Variants in RPS6KC1 observed in about 807,000 individuals in gnomAD.
The protein encoded by RPS6KC1 is inactive ribosomal protein S6 kinase delta-1.
A neutral mutation model predicts 103.8 loss-of-function variants in RPS6KC1; 54 were observed. That is an observed-to-expected ratio of 0.52 (90% CI 0.42 to 0.65). RPS6KC1 has a LOEUF of 0.65. RPS6KC1 is among the 30% of genes least tolerant of loss of function. The pLI is 0.00. For missense variants in RPS6KC1, 1,151 were observed against 1,253.8 expected, an observed-to-expected ratio of 0.92 and a Z score of 1.24; for synonymous variants, 439 against 438.7, an observed-to-expected ratio of 1.00 and a Z score of -0.01.
chr1:213,354,841 C>T, the RPS6KC1 span, among the ~76,000 whole-genome samples: 4 of 152,296 alleles, frequency 2.6e-5, no homozygotes, highest in South Asian at 2.1e-4. Flanking sequence ...CTCCACTTCT[C>T]GATATTGCCA....
intron 4 of RPS6KC1, among the ~76,000 whole-genome samples, chr1:213,105,503 T>G (rs973393943): frequency 6.6e-6 from 1 of 150,676 alleles, no homozygotes; most frequent in African/African-American, 2.5e-5. Flanking sequence ...CTACACAGAT[T>G]ATTTATTTAT....
At chr1:213,430,311 GA>G in the RPS6KC1 span, among the ~76,000 whole-genome samples, 1 of 152,332 alleles carries the variant, frequency 6.6e-6, no homozygotes, top group East Asian at 1.9e-4. Context: ...GGACAGAGCT[GA>G]GAAAATGAGA....
At chr1:213,772,418 T>C in the RPS6KC1 span, among the ~76,000 whole-genome samples, 133,994 of 152,296 alleles carry the variant, frequency 0.88, 59,080 homozygotes, top group East Asian at 0.98. Context: ...TCCTGACCTC[T>C]AGAAAGATAA....
At chr1:213,624,530 T>G in the RPS6KC1 span, among the ~76,000 whole-genome samples, 2 of 152,146 alleles carry the variant, frequency 1.3e-5, no homozygotes, top group Non-Finnish European at 2.9e-5. Flanking sequence ...AAAGCAGTCA[T>G]GGAGAGCTTG....
the RPS6KC1 span, among the ~76,000 whole-genome samples, chr1:213,528,235 T>C: frequency 1.3e-5 from 2 of 152,114 alleles, no homozygotes; most frequent in Non-Finnish European, 2.9e-5. Flanking sequence ...TTTACAATCA[T>C]GGCAGAAAAA....
At chr1:213,172,837 A>G (rs576041833) in intron 7 of RPS6KC1, among the ~76,000 whole-genome samples, 40 of 152,328 alleles carry the variant, frequency 2.6e-4, no homozygotes, top group African/African-American at 9.4e-4. Context: ...GATGAATACA[A>G]CCATTCTTTG....
chr1:213,308,571 A>T, the RPS6KC1 span, among the ~76,000 whole-genome samples: 1 of 152,232 alleles, frequency 6.6e-6, no homozygotes, highest in East Asian at 1.9e-4. Flanking sequence ...CTATCTTCCA[A>T]AAGTCATTTC....
chr1:213,411,962 G>A, the RPS6KC1 span, among the ~76,000 whole-genome samples: 1 of 152,166 alleles, frequency 6.6e-6, no homozygotes, highest in Admixed American at 6.5e-5. Context: ...TTAGCACAGT[G>A]TATCATATTG....
At chr1:213,190,149 C>G (rs2092696996) in intron 8 of RPS6KC1, among the ~76,000 whole-genome samples, 1 of 151,990 alleles carries the variant, frequency 6.6e-6, no homozygotes, top group African/African-American at 2.4e-5. Flanking sequence ...TATTGATTTC[C>G]TTTCTTTTGG....
intron 6 of RPS6KC1, among the ~76,000 whole-genome samples, chr1:213,148,240 G>T (rs2088122780): frequency 6.6e-6 from 1 of 152,098 alleles, no homozygotes; most frequent in Non-Finnish European, 1.5e-5. Context: ...GGTAAAAGTG[G>T]GCATCCTTGT....
the RPS6KC1 span, among the ~76,000 whole-genome samples, chr1:213,741,808 G>A: frequency 6.6e-6 from 1 of 152,266 alleles, no homozygotes; most frequent in East Asian, 1.9e-4. Flanking sequence ...GGGAAGTGGA[G>A]GTTTCTGCAT....
chr1:213,330,432 G>A, the RPS6KC1 span, among the ~76,000 whole-genome samples: 2 of 152,220 alleles, frequency 1.3e-5, no homozygotes, highest in African/African-American at 4.8e-5. Flanking sequence ...ACAGTGCTGA[G>A]ACAGGTGACT....
chr1:213,412,332 G>C, the RPS6KC1 span, among the ~76,000 whole-genome samples: 1 of 152,206 alleles, frequency 6.6e-6, no homozygotes, highest in Non-Finnish European at 1.5e-5. Context: ...AAGTAGAAAA[G>C]GAGAGAGGGA....
intron 10 of RPS6KC1, among the ~76,000 whole-genome samples, chr1:213,234,586 G>A (rs1248813127): frequency 6.6e-6 from 1 of 152,148 alleles, no homozygotes; most frequent in Non-Finnish European, 1.5e-5. Flanking sequence ...ACCAAGAAAG[G>A]TATCATTTGG....
chr1:213,131,306 T>G (rs868467731), intron 6 of RPS6KC1, among the ~76,000 whole-genome samples: 4 of 152,358 alleles, frequency 2.6e-5, no homozygotes, highest in Middle Eastern at 3.4e-3. Flanking sequence ...CTCATTAATT[T>G]TGTCATCTTG....
chr1:213,154,373 A>G (rs1212435595), intron 6 of RPS6KC1, among the ~76,000 whole-genome samples: 2 of 152,234 alleles, frequency 1.3e-5, no homozygotes, highest in African/African-American at 4.8e-5. Flanking sequence ...TCGTGGATAT[A>G]GAAGTGCTGT....
chr1:213,503,276 G>A, the RPS6KC1 span, among the ~76,000 whole-genome samples: 1 of 152,062 alleles, frequency 6.6e-6, no homozygotes, highest in Non-Finnish European at 1.5e-5. Context: ...TTGAATTCCT[G>A]GGAGTGAAAA....
intron 12 of RPS6KC1, among the ~76,000 whole-genome samples, chr1:213,244,926 T>C (rs1471109808): frequency 6.6e-6 from 1 of 152,198 alleles, no homozygotes; most frequent in Non-Finnish European, 1.5e-5. Flanking sequence ...GCAAAAGTGT[T>C]CTAGTGTTGT....
the RPS6KC1 span, among the ~76,000 whole-genome samples, chr1:213,387,277 T>G: frequency 6.6e-6 from 1 of 152,318 alleles, no homozygotes; most frequent in Admixed American, 6.5e-5. Flanking sequence ...TTTTCTGTCT[T>G]AGTAGTAATA....
Sources: gnomAD v4.1 joint callset for allele counts (sites outside exome capture counted in the v4.1 genomes callset) on GRCh38, gnomAD v4.1.1 for gene constraint, MANE v1.5 for transcripts, NCBI Gene and HGNC (gene_info 2026-07-23, HGNC 2026-07-21) for gene names.